Variants in STX17 observed in about 807,000 individuals in gnomAD.
STX17 encodes syntaxin 17.
STX17 carries 29 observed loss-of-function variants against 35.9 expected under a neutral mutation model. The observed-to-expected ratio is 0.81, with a 90% CI of 0.60 to 1.10. STX17 has a LOEUF of 1.10. Among genes scored for constraint, STX17 ranks in the 50% least tolerant of loss-of-function variants. The pLI is 0.00. For missense variants in STX17, 312 were observed against 352.3 expected (o/e 0.89, Z 0.92); for synonymous variants, 92 against 118.3 (o/e 0.78, Z 1.44).
chr9:99,947,720 G>A (rs1829512693), intron 3 of STX17, among the ~76,000 whole-genome samples: 1 of 152,070 alleles, frequency 6.6e-6, no homozygotes, highest in Non-Finnish European at 1.5e-5. Flanking sequence ...TGTGTTCCTA[G>A]GGTGGAGCTC....
intron 2 of STX17, among the ~76,000 whole-genome samples, 181 bp downstream of exon 2, chr9:99,915,543 T>C (rs527403910): frequency 9.8e-4 from 150 of 152,308 alleles, no homozygotes; most frequent in African/African-American, 3.5e-3. Flanking sequence ...ATACCTCTCA[T>C]ATATTCCTTT....
chr9:99,941,467 A>G (rs1397164424), intron 3 of STX17, among the ~76,000 whole-genome samples: 1 of 152,218 alleles, frequency 6.6e-6, no homozygotes, highest in Non-Finnish European at 1.5e-5. Flanking sequence ...TAAGCTTTTT[A>G]TTGTGAAATA....
intron 3 of STX17, among the ~76,000 whole-genome samples, chr9:99,933,749 C>G (rs1346471074): frequency 6.6e-6 from 1 of 152,118 alleles, no homozygotes; most frequent in Non-Finnish European, 1.5e-5. Context: ...AGAAGTAAAG[C>G]TGCTTATTTG....
At chr9:99,962,018 C>G (rs1029348319) in intron 6 of STX17, among the ~76,000 whole-genome samples, 2 of 152,074 alleles carry the variant, frequency 1.3e-5, no homozygotes, top group Non-Finnish European at 2.9e-5. Flanking sequence ...ATATGAAAGT[C>G]TTTCAAGGTT....
intron 3 of STX17, among the ~76,000 whole-genome samples, chr9:99,933,026 G>A (rs10125981): frequency 0.42 from 63,910 of 151,888 alleles, 14,529 homozygotes; most frequent in East Asian, 0.7. Context: ...TCTCTTGGAG[G>A]ATTCAAGAAG....
At chr9:99,948,497 G>T (rs1829528307) in intron 3 of STX17, among the ~76,000 whole-genome samples, 1 of 152,002 alleles carries the variant, frequency 6.6e-6, no homozygotes, top group African/African-American at 2.4e-5. Context: ...CTGTGGTCTG[G>T]ATTTGATTCT....
rs41273937 is a variant in STX17 at position 99,951,150 on chromosome 9, G to A, written c.280G>A (p.Val94Ile). Residue 94 changes from valine to isoleucine, a missense_variant, in exon 4 of 8, where the codon GTT (valine) becomes ATT (isoleucine). Physicochemically the swap from Val to Ile is conservative, Grantham distance 29 (BLOSUM62 3). Coordinates refer to ENST00000259400, the MANE Select transcript of STX17 (RefSeq NM_017919.3). ...ACTTCTGAAGAGAATGATAGATCCT[G>A]TTAAAGAAGAAGCATCAGCAGCAAC... The part of the protein sequence containing the change: ...LVLLKRMIDP[V>I]KEEASAATAE... 7,537 of 1,613,066 alleles carry A rather than the reference G, an allele frequency of 4.7e-3. 31 individuals carry two copies. Among genetic ancestry groups the A allele is most frequent in the Non-Finnish European group, 5.3e-3 (6,296 of 1,179,230 alleles).
chr9:99,964,230 G>T (rs554367158), intron 6 of STX17, among the ~76,000 whole-genome samples: 1 of 152,224 alleles, frequency 6.6e-6, no homozygotes, highest in Admixed American at 6.5e-5. Flanking sequence ...CATTGGTTTT[G>T]AATTTATATT....
At chr9:99,921,593 C>T (rs984280097) in intron 2 of STX17, among the ~76,000 whole-genome samples, 10 of 150,354 alleles carry the variant, frequency 6.7e-5, no homozygotes, top group Admixed American at 5.4e-4. Flanking sequence ...CATTTCCACA[C>T]GCTCTCCCAA....
Position 99,973,699 on chromosome 9 carries a change from C to G in STX17, c.*5026C>G, listed in dbSNP as rs1222530165. On this transcript the variant is annotated 3_prime_UTR_variant, in exon 8 of 8. Transcript: ENST00000259400. Reference sequence around the variant, plus strand: ...CACCCCGCACTTGATCTTCCCCCAACTTTAAGTGACTCAGTTCCTTATATC... The same window carrying G: ...CACCCCGCACTTGATCTTCCCCCAAGTTTAAGTGACTCAGTTCCTTATATC... Among the ~76,000 whole-genome samples, 1 of 152,180 alleles carries G rather than the reference C, an allele frequency of 6.6e-6. No individual in the cohort carries two copies. Among genetic ancestry groups the G allele is most frequent in the Non-Finnish European group, 1.5e-5 (1 of 68,016 alleles).
intron 2 of STX17, among the ~76,000 whole-genome samples, chr9:99,915,678 A>G (rs939282880): frequency 3.3e-5 from 5 of 150,248 alleles, no homozygotes; most frequent in Non-Finnish European, 7.4e-5. Flanking sequence ...CTGCAACCTC[A>G]AACTTCTGGG....
chr9:99,954,270 C>T (rs1829664596), intron 4 of STX17, among the ~76,000 whole-genome samples: 1 of 151,926 alleles, frequency 6.6e-6, no homozygotes, highest in Non-Finnish European at 1.5e-5. Flanking sequence ...CTAGGTTATA[C>T]CTAAAATAGT....
intron 3 of STX17, among the ~76,000 whole-genome samples, chr9:99,947,763 A>G (rs966077838): frequency 6.6e-6 from 1 of 152,122 alleles, no homozygotes; most frequent in African/African-American, 2.4e-5. Flanking sequence ...CAGAGTCCTT[A>G]TACTTAGCAG....
rs146484577 is a variant in STX17 at position 99,916,390 on chromosome 9, CATTTATTTATTTATTTATTT to C, written c.123+1052_123+1071del. 7.1e-5 allele frequency among the ~76,000 whole-genome samples: 10 copies of C among 141,820 alleles called. No individual in the cohort carries two copies. In the South Asian group the frequency reaches 9.2e-4, roughly 13 times the overall value. The allele number at this position is 141,820 out of a possible 152,430, so 93.0% of individuals were successfully genotyped here. On this transcript the variant is annotated intron_variant, in intron 2 of 7. Coordinates refer to ENST00000259400, the MANE Select transcript of STX17 (RefSeq NM_017919.3). ...CATAAGTCTTAAGCTGCAGAACCTC[CATTTATTTATTTATTTATTT>C]ATTTATTTATTTATTTATTTATTCA... is the stretch of plus-strand genomic sequence containing the variant.
Position 99,971,240 on chromosome 9 carries a change from C to G in STX17, c.*2567C>G, listed in dbSNP as rs1000839824. On this transcript the variant is annotated 3_prime_UTR_variant, in exon 8 of 8. Coordinates refer to ENST00000259400, the MANE Select transcript of STX17 (RefSeq NM_017919.3). ...AAAGTGGGAACACTTTGATTAATGT[C>G]TTAAAATTTGTGGGCCCTCATTTGG... is the stretch of plus-strand genomic sequence containing the variant. 2.0e-5 allele frequency among the ~76,000 whole-genome samples: 3 copies of G among 150,428 alleles called. No individual in the cohort carries two copies. The highest frequency in any genetic ancestry group is 7.3e-5 in the African/African-American group (3 of 40,886).
In STX17 at chr9:99,916,031, A is replaced by G. The variant is rs751768608; in HGVS notation, c.123+669A>G. ...GAACTTTGAGTGTGTGTCTTTCAGT[A>G]ACTCGTATTCTCTTTAGGTATACAT... On this transcript the variant is annotated intron_variant, in intron 2 of 7. Transcript: ENST00000259400. The G allele has an allele frequency of 4.4e-6, 2 of 455,610 alleles. 1 individual carries two copies. The highest frequency in any genetic ancestry group is 3.1e-5 in the South Asian group (2 of 64,418). The allele number at this position is 455,610 out of a possible 1,614,324, so 28.2% of individuals were successfully genotyped here. A position where few individuals can be genotyped will look rare whatever the true frequency, so the allele number is the denominator to read the frequency against.
intron 3 of STX17, among the ~76,000 whole-genome samples, chr9:99,943,067 T>C (rs1028110581): frequency 2.0e-5 from 3 of 152,234 alleles, no homozygotes; most frequent in African/African-American, 7.2e-5. Context: ...CAAAACAAAG[T>C]ATCAATTAAC....
At chr9:99,954,054 G>A (rs1180595601) in intron 4 of STX17, 1 of 151,944 alleles carries the variant, frequency 6.6e-6, no homozygotes, top group Non-Finnish European at 1.5e-5. Flanking sequence ...GTGCATAAAG[G>A]AAATGAAAAA....
chr9:99,957,801 G>A (rs1192501963), intron 4 of STX17, among the ~76,000 whole-genome samples: 1 of 151,626 alleles, frequency 6.6e-6, no homozygotes, highest in Non-Finnish European at 1.5e-5. Flanking sequence ...TTACAGGTGT[G>A]TGCCACCATG....
Sources: allele counts gnomAD v4.1 joint callset (sites outside exome capture counted in the v4.1 genomes callset), GRCh38; gene constraint gnomAD v4.1.1; transcripts MANE v1.5; gene names NCBI Gene and HGNC (gene_info 2026-07-23, HGNC 2026-07-21).